The following SYT14 variants were observed in gnomAD, a reference collection of about 807,000 sequenced individuals.
SYT14 encodes the protein synaptotagmin-14.
In SYT14, 32 loss-of-function variants were observed where a neutral mutation model predicts 74.2. The observed-to-expected ratio is 0.43, with a 90% CI of 0.33 to 0.58. SYT14 has a LOEUF of 0.58. Among genes scored for constraint, SYT14 ranks in the 20% least tolerant of loss-of-function variants. The probability of loss-of-function intolerance (pLI) is 0.05; values close to 1 mark genes in which losing one functional copy is unlikely to be tolerated. For synonymous variants in SYT14, 298 were observed against 337.7 expected (o/e 0.88, Z 1.29); for missense variants, 791 against 981.8 (o/e 0.81, Z 2.60).
rs74156287 is a variant in SYT14 at position 210,061,442 on chromosome 1, C to T, written c.1313-32880C>T. 2.9e-3 allele frequency among the ~76,000 whole-genome samples: 445 copies of T among 152,022 alleles called. 3 individuals are homozygous for T. Among genetic ancestry groups the T allele is most frequent in the African/African-American group, 9.7e-3 (402 of 41,536 alleles). ...CAAGTTATTGGTAAACATTTATGTT[C>T]TTAGTAGCCTCAAAAATAGATGTTT... On this transcript the variant is annotated intron_variant, in intron 5 of 9. Transcript: ENST00000637265.
chr1:210,081,269 T>C (rs1007942116), intron 5 of SYT14, among the ~76,000 whole-genome samples: 18 of 152,158 alleles, frequency 1.2e-4, no homozygotes, highest in African/African-American at 4.1e-4. Flanking sequence ...TATAATACTA[T>C]ATGATATGAA....
chr1:209,954,242 A>C (rs1375128806), intron 2 of SYT14, among the ~76,000 whole-genome samples: 1 of 152,202 alleles, frequency 6.6e-6, no homozygotes, highest in Non-Finnish European at 1.5e-5. Flanking sequence ...GGGAGCAGAA[A>C]GCTACAATGG....
At chr1:210,002,127 A>C (rs181903262) in intron 2 of SYT14, among the ~76,000 whole-genome samples, 144 of 152,322 alleles carry the variant, frequency 9.5e-4, no homozygotes, top group Admixed American at 2.6e-3. Flanking sequence ...TAAACTGCCC[A>C]TAAGAACTAT....
In SYT14 at chr1:209,968,048, A is replaced by G. The variant is rs540997177; in HGVS notation, c.-486+15292A>G. ...CTGAGGAATAAAAGGAAAGGAATTTATAATGCAGTGTTAGCTATTTCAGTA... is the reference window on the plus strand; with the variant it reads ...CTGAGGAATAAAAGGAAAGGAATTTGTAATGCAGTGTTAGCTATTTCAGTA... On this transcript the variant is annotated intron_variant, in intron 2 of 9. Transcript: ENST00000637265. Among the ~76,000 whole-genome samples, 4 of 152,336 alleles carry G rather than the reference A, an allele frequency of 2.6e-5. No individual in the cohort carries two copies. The South Asian group carries it at 6.2e-4, about 24-fold the overall frequency.
At position 210,113,832 on chromosome 1, in the gene SYT14, A is replaced by G. The variant is rs185351023; in HGVS notation, c.2034+13371A>G. ...TGGGGATAACTAAAAAGGAGCGCAT[A>G]AAAGAATGTTGTCCAAGTTGGCACC... On this transcript the variant is annotated intron_variant, in intron 7 of 9. Coordinates refer to ENST00000637265, the Ensembl canonical transcript of SYT14. Among the ~76,000 whole-genome samples, 35 of 151,438 alleles carry G rather than the reference A, an allele frequency of 2.3e-4. 2 individuals carry two copies. The highest frequency in any genetic ancestry group is 1.8e-3 in the Admixed American group (28 of 15,282).
chr1:210,066,361 T>C (rs1389782706), intron 5 of SYT14, among the ~76,000 whole-genome samples: 5 of 152,160 alleles, frequency 3.3e-5, no homozygotes, highest in Admixed American at 2.6e-4. Flanking sequence ...AAAGTGTTCC[T>C]ATTTCTCCAC....
chr1:210,145,433 A>G (rs541678369), intron 7 of SYT14, among the ~76,000 whole-genome samples: 14 of 152,232 alleles, frequency 9.2e-5, no homozygotes, highest in Non-Finnish European at 1.8e-4. Context: ...ACCGCATTTC[A>G]TGTCTTTCAT....
At chr1:209,993,804 G>A (rs962473528) in intron 2 of SYT14, among the ~76,000 whole-genome samples, 4 of 152,146 alleles carry the variant, frequency 2.6e-5, no homozygotes, top group Non-Finnish European at 4.4e-5. Flanking sequence ...ACCTGTGAAA[G>A]TGAGGAAGTA....
rs34726566 is a variant in SYT14, at chr1:209,942,360, A to ACC, written c.-534+4095_-534+4096dup. Among the ~76,000 whole-genome samples the ACC allele has an allele frequency of 5.0e-3, 374 of 74,562 alleles. 26 individuals are homozygous for ACC. Among genetic ancestry groups the ACC allele is most frequent in the African/African-American group, 0.028 (295 of 10,526 alleles). 48.9% of individuals were successfully genotyped at this position (74,562 alleles called of 152,430 possible). ...CCAAATCCAGCCTCCATGCAAATTT[A>ACC]CCCCCCCCCCCCCGCTCTGTTGTGC... On this transcript the variant is annotated intron_variant, in intron 1 of 9. Coordinates refer to ENST00000637265, the Ensembl canonical transcript of SYT14.
chr1:210,056,659 C>CAAAAAAAAAAAAAAAAAAAAAA lies in SYT14; in HGVS notation c.1312+35422_1312+35423insAAAAAAAAAAAAAAAAAAAAAA, dbSNP rs1196789715. Among the ~76,000 whole-genome samples, 4 of 79,380 alleles carry CAAAAAAAAAAAAAAAAAAAAAA rather than the reference C, an allele frequency of 5.0e-5. 1 individual carries two copies. Among genetic ancestry groups the CAAAAAAAAAAAAAAAAAAAAAA allele is most frequent in the East Asian group, 8.7e-4 (2 of 2,292 alleles). The allele number at this position is 79,380 out of a possible 152,430, so 52.1% of individuals were successfully genotyped here. On this transcript the variant is annotated intron_variant, in intron 5 of 9. Coordinates refer to ENST00000637265, the Ensembl canonical transcript of SYT14. ...TGAAACCCCGTCTCTACTAAAAATA[C>CAAAAAAAAAAAAAAAAAAAAAA]AAAAAAAAAAAAAAAAATTAGCCGG... is the stretch of plus-strand genomic sequence containing the variant.
At chr1:210,008,240 CT>C (rs1250311233) in intron 2 of SYT14, among the ~76,000 whole-genome samples, 2 of 152,166 alleles carry the variant, frequency 1.3e-5, no homozygotes, top group Non-Finnish European at 2.9e-5. Flanking sequence ...CACATTAAAA[CT>C]TTGCAAATTT....
intron 2 of SYT14, among the ~76,000 whole-genome samples, chr1:209,976,273 CT>C: frequency 6.8e-6 from 1 of 147,922 alleles, no homozygotes; most frequent in East Asian, 2.0e-4. Context: ...TCTTGCTTCT[CT>C]AGTTCTTTTA....
In SYT14 at chr1:210,107,005, T is replaced by C. The variant is rs573986255; in HGVS notation, c.2034+6544T>C. On this transcript the variant is annotated intron_variant, in intron 7 of 9. Coordinates refer to ENST00000637265, the Ensembl canonical transcript of SYT14. The stretch of plus-strand genomic sequence containing the variant: ...TACAGGCATTGAGTAAATACACCTG[T>C]TCCAAGTGGGAGAAATTGGCCAAAA... 2.0e-5 allele frequency among the ~76,000 whole-genome samples: 3 copies of C among 152,354 alleles called. No individual in the cohort carries two copies. In the East Asian group the frequency reaches 5.8e-4, roughly 29 times the overall value.
chr1:209,989,158 T>C (rs1256935614), intron 2 of SYT14, among the ~76,000 whole-genome samples: 2 of 152,212 alleles, frequency 1.3e-5, no homozygotes, highest in Admixed American at 1.3e-4. Context: ...TTTAGTGTTT[T>C]CAGGTGGTGG....
intron 2 of SYT14, among the ~76,000 whole-genome samples, chr1:210,001,451 G>A (rs1252064173): frequency 6.6e-6 from 1 of 151,424 alleles, no homozygotes; most frequent in Non-Finnish European, 1.5e-5. Flanking sequence ...TCTGGATTTG[G>A]GTTTTAGTAT....
At chr1:210,031,089 C>CTTTTTT (rs35900057) in intron 5 of SYT14, among the ~76,000 whole-genome samples, 4 of 104,324 alleles carry the variant, frequency 3.8e-5, no homozygotes, top group Non-Finnish European at 5.7e-5. Context: ...CCATGCCTGT[C>CTTTTTT]TTTTTTTTTT....
chr1:210,100,340 A>G (rs1275065864), exon 7 of SYT14: 1 of 1,614,068 alleles, frequency 6.2e-7, no homozygotes. Context: ...TTTAGACTGT[A>G]TGGTGTACAT....
Position 209,985,401 on chromosome 1 carries a change from C to T in SYT14, c.-485-28232C>T, listed in dbSNP as rs530923854. Among the ~76,000 whole-genome samples the T allele has an allele frequency of 2.0e-5, 3 of 152,352 alleles. No homozygotes were observed. The East Asian group carries it at 5.8e-4, about 29-fold the overall frequency. On this transcript the variant is annotated intron_variant, in intron 2 of 9. Transcript: ENST00000637265. Reference sequence around the variant, plus strand: ...CCTCTTTGACTCCACGTCCTATATTCAGGGCACACTGCTTCAAGGGGTGGG... The same window carrying T: ...CCTCTTTGACTCCACGTCCTATATTTAGGGCACACTGCTTCAAGGGGTGGG...
At chr1:210,010,715 A>C (rs879485093) in intron 2 of SYT14, among the ~76,000 whole-genome samples, 1 of 152,192 alleles carries the variant, frequency 6.6e-6, no homozygotes, top group African/African-American at 2.4e-5. Context: ...CGTAGAAATA[A>C]GGATTGAGGC....
Sources: allele counts gnomAD v4.1 joint callset (sites outside exome capture counted in the v4.1 genomes callset), GRCh38; gene constraint gnomAD v4.1.1; transcripts MANE v1.5; gene names NCBI Gene and HGNC (gene_info 2026-07-23, HGNC 2026-07-21).